Variants in USH2A observed in about 807,000 individuals in gnomAD.
USH2A encodes the protein usherin.
USH2A carries 443 observed loss-of-function variants against 538.9 expected under a neutral mutation model. That is an observed-to-expected ratio of 0.82 (90% confidence interval 0.76 to 0.89). The LOEUF is 0.89. Ranked by LOEUF, USH2A falls within the 40% of genes least tolerant of loss-of-function variation. The probability of loss-of-function intolerance (pLI) is 0.00; values close to 1 mark genes in which losing one functional copy is unlikely to be tolerated. For missense variants in USH2A, 6,633 were observed against 6,324.8 expected (o/e 1.05, Z -1.65); for synonymous variants, 2,413 against 2,273.5 (o/e 1.06, Z -1.75).
intron 35 of USH2A, among the ~76,000 whole-genome samples, chr1:215,976,506 G>C (rs1377622433): frequency 6.6e-6 from 1 of 151,858 alleles, no homozygotes; most frequent in Non-Finnish European, 1.5e-5. Flanking sequence ...CTTTGTTGAG[G>C]GCTTTTATCA....
chr1:216,392,408 C>G (rs1394017608), intron 3 of USH2A, among the ~76,000 whole-genome samples: 1 of 144,336 alleles, frequency 6.9e-6, no homozygotes, highest in East Asian at 2.1e-4. Flanking sequence ...AGGAGAATGG[C>G]ATGACCCCAA....
chr1:216,190,110 TAGTG>T, intron 20 of USH2A, 109 bp downstream of exon 20: 1 of 1,435,878 alleles, frequency 7.0e-7, no homozygotes, highest in Non-Finnish European at 9.5e-7. Context: ...CAATCAGAGT[TAGTG>T]AGGGAGGAGA....
At chr1:215,788,726 A>G (rs1000281279) in intron 51 of USH2A, among the ~76,000 whole-genome samples, 13 of 152,198 alleles carry the variant, frequency 8.5e-5, no homozygotes, top group Admixed American at 3.9e-4. Flanking sequence ...GGAAGCTTAA[A>G]ACATGCAGAA....
intron 29 of USH2A, among the ~76,000 whole-genome samples, chr1:216,071,375 G>A (rs1194058361): frequency 2.0e-5 from 3 of 152,176 alleles, no homozygotes; most frequent in African/African-American, 2.4e-5. Context: ...CCACAAGATC[G>A]AGTTGCAAGG....
At chr1:216,097,251 G>T in intron 21 of USH2A, 38 bp from the exon 22 acceptor site, 1 of 1,613,672 alleles carries the variant, frequency 6.2e-7, no homozygotes, top group South Asian at 1.1e-5. Context: ...CAGTGCTGGG[G>T]TTTTGTTGAT....
chr1:216,388,047 A>G (rs2039035240), intron 3 of USH2A, among the ~76,000 whole-genome samples: 1 of 152,198 alleles, frequency 6.6e-6, no homozygotes, highest in Non-Finnish European at 1.5e-5. Flanking sequence ...AGAGAAAAAA[A>G]GTCCTTGCCC....
intron 40 of USH2A, among the ~76,000 whole-genome samples, chr1:215,898,290 A>G (rs2102468156): frequency 6.6e-6 from 1 of 152,348 alleles, no homozygotes; most frequent in African/African-American, 2.4e-5. Flanking sequence ...CTTTAAACTC[A>G]AGCCCTAAAT....
At chr1:215,822,805 T>A (rs1226599383) in intron 47 of USH2A, among the ~76,000 whole-genome samples, 2 of 151,978 alleles carry the variant, frequency 1.3e-5, no homozygotes, top group African/African-American at 4.8e-5. Context: ...TCCAGTTTCT[T>A]GAGGGACTTT....
In USH2A at chr1:215,757,339, C is replaced by T. The variant is rs186009775; in HGVS notation, c.11389+1256G>A. Reference sequence around the variant, plus strand: ...GCAGAAGGTGTTGGTCTATAAGAAACTTAAGTTTTATGTATTAGGTCTTTA... The same window carrying T: ...GCAGAAGGTGTTGGTCTATAAGAAATTTAAGTTTTATGTATTAGGTCTTTA... On this transcript the variant is annotated intron_variant, in intron 58 of 71. Transcript: ENST00000307340. Among the ~76,000 whole-genome samples the T allele has an allele frequency of 7.9e-3, 1,209 of 152,236 alleles. 16 individuals are homozygous for T. The highest frequency in any genetic ancestry group is 0.014 in the Middle Eastern group (4 of 294).
rs749673544 is a variant in USH2A at position 215,758,759 on chromosome 1, T to G, written c.11232-7A>C. ...TTCTAACTTGTAAGTGTATCTATAT[T>G]TAAAAAGAAAGAAGAATTGTGGTAA... On this transcript the variant is annotated splice_polypyrimidine_tract_variant and splice_region_variant and intron_variant, in intron 57 of 71. Transcript: ENST00000307340. The G allele has an allele frequency of 6.2e-7, 1 of 1,613,474 alleles. No homozygotes were observed.
In USH2A at chr1:215,711,964, C is replaced by A. The variant is rs144640001; in HGVS notation, c.12066+16066G>T. Among the ~76,000 whole-genome samples the A allele has an allele frequency of 6.3e-3, 954 of 152,254 alleles. 13 individuals are homozygous for A. The highest frequency in any genetic ancestry group is 0.021 in the African/African-American group (867 of 41,552). Reference sequence around the variant, plus strand: ...CACAGGGACCTGGATACACAAATGTCCCCTAACAACTTTAATTTCTGGATA... The same window carrying A: ...CACAGGGACCTGGATACACAAATGTACCCTAACAACTTTAATTTCTGGATA... On this transcript the variant is annotated intron_variant, in intron 61 of 71. Transcript: ENST00000307340.
At chr1:216,184,370 C>G (rs1572028382) in intron 20 of USH2A, among the ~76,000 whole-genome samples, 1 of 151,454 alleles carries the variant, frequency 6.6e-6, no homozygotes, top group East Asian at 2.0e-4. Context: ...GTCCATACAT[C>G]AAGTCAGTAG....
At chr1:216,197,378 G>A (rs931421512) in intron 18 of USH2A, among the ~76,000 whole-genome samples, 1 of 152,146 alleles carries the variant, frequency 6.6e-6, no homozygotes, top group Admixed American at 6.6e-5. Context: ...TGACCCATAA[G>A]ATTACGAGGG....
At chr1:216,052,408 G>A (rs965877914) in intron 30 of USH2A, among the ~76,000 whole-genome samples, 5 of 151,678 alleles carry the variant, frequency 3.3e-5, no homozygotes, top group African/African-American at 1.2e-4. Flanking sequence ...TGATGTTTTG[G>A]TTCTTGCCAA....
intron 55 of USH2A, among the ~76,000 whole-genome samples, chr1:215,778,575 T>G (rs1036545995): frequency 6.6e-6 from 1 of 152,206 alleles, no homozygotes; most frequent in Non-Finnish European, 1.5e-5. Context: ...CCTGTGTCCC[T>G]TCTTAGGAAA....
At chr1:215,842,203 C>A in intron 46 of USH2A, among the ~76,000 whole-genome samples, 1 of 151,824 alleles carries the variant, frequency 6.6e-6, no homozygotes, top group East Asian at 1.9e-4. Context: ...GTGGTGGGCA[C>A]CTGGAGCTCA....
At chr1:216,149,822 A>T (rs1420856754) in intron 21 of USH2A, among the ~76,000 whole-genome samples, 1 of 152,108 alleles carries the variant, frequency 6.6e-6, no homozygotes, top group Non-Finnish European at 1.5e-5. Flanking sequence ...GACCCTACTT[A>T]GTCATCTATA....
chr1:216,110,233 C>G (rs1002613960), intron 21 of USH2A, among the ~76,000 whole-genome samples: 1 of 152,118 alleles, frequency 6.6e-6, no homozygotes, highest in African/African-American at 2.4e-5. Context: ...TGTCATATGC[C>G]TATAGTCTCA....
At chr1:216,329,764 T>G (rs1291363705) in intron 4 of USH2A, among the ~76,000 whole-genome samples, 1 of 152,072 alleles carries the variant, frequency 6.6e-6, no homozygotes, top group Non-Finnish European at 1.5e-5. Context: ...GGGAACTTTC[T>G]GTGCCCCGCT....
Sources: allele counts gnomAD v4.1 joint callset (sites outside exome capture counted in the v4.1 genomes callset), GRCh38; gene constraint gnomAD v4.1.1; transcripts MANE v1.5; gene names NCBI Gene and HGNC (gene_info 2026-07-23, HGNC 2026-07-21).